The following SLAIN1 variants were observed in gnomAD, a reference collection of about 807,000 sequenced individuals.
The protein encoded by SLAIN1 is SLAIN motif-containing protein 1.
Under a neutral mutation model 55.4 loss-of-function variants are expected in SLAIN1, and 17 were observed. The observed-to-expected ratio is 0.31, with a 90% CI of 0.21 to 0.46. SLAIN1 has a LOEUF of 0.46. Among genes scored for constraint, SLAIN1 ranks in the 20% least tolerant of loss-of-function variants. The probability of loss-of-function intolerance (pLI) is 1.00; values close to 1 mark genes in which losing one functional copy is unlikely to be tolerated. For synonymous variants in SLAIN1, 348 were observed against 337.4 expected, an observed-to-expected ratio of 1.03 and a Z score of -0.35; for missense variants, 682 against 785.1, an observed-to-expected ratio of 0.87 and a Z score of 1.57.
intron 1 of SLAIN1, among the ~76,000 whole-genome samples, chr13:77,711,252 GA>G (rs1223520922): frequency 2.0e-5 from 3 of 151,624 alleles, no homozygotes; most frequent in Non-Finnish European, 4.4e-5. Context: ...ATAGAGACAT[GA>G]AAAACCCTTT....
rs2090990398 is a variant in SLAIN1 at position 77,697,965 on chromosome 13, G to C, written c.52G>C (p.Gly18Arg). 6 of 1,449,428 alleles carry C rather than the reference G, an allele frequency of 4.1e-6. No homozygotes were observed. The highest frequency in any genetic ancestry group is 5.5e-6 in the Non-Finnish European group (6 of 1,092,568). The allele number at this position is 1,449,428 out of a possible 1,614,324, so 89.8% of individuals were successfully genotyped here. A position where few individuals can be genotyped will look rare whatever the true frequency, so the allele number is the denominator to read the frequency against. The change falls in exon 1 of 7, where the codon GGC becomes CGC. Residue 18 changes from glycine to arginine, a missense_variant. Gly to Arg is a moderately radical substitution (Grantham distance 125). Transcript: ENST00000418532. ...CASAGVSSGA[G>R]SGPVVNAELE... ...CTCGGCAGGGGTCAGCTCTGGAGCG[G>C]GCTCCGGGCCGGTGGTGAACGCGGA...
intron 1 of SLAIN1, among the ~76,000 whole-genome samples, chr13:77,706,944 T>C (rs758894609): frequency 2.0e-5 from 3 of 152,194 alleles, no homozygotes. Context: ...TTCTTTTGCT[T>C]CCTTTATTCC....
At position 77,698,570 on chromosome 13, in the gene SLAIN1, C is replaced by A; in HGVS notation, c.626+31C>A. The A allele has an allele frequency of 7.2e-7, 1 of 1,383,812 alleles. No homozygotes were observed. The highest frequency in any genetic ancestry group is 1.7e-5 in the South Asian group (1 of 60,378). 85.7% of individuals were successfully genotyped at this position (1,383,812 alleles called of 1,614,324 possible). On this transcript the variant is annotated intron_variant, in intron 1 of 6. Transcript: ENST00000418532. The surrounding 1 kb of genome is among the most constrained non-coding windows in gnomAD (Gnocchi z 4.1). Reference sequence around the variant, plus strand: ...GCCTGGCTCCGCTCCTTCCCCGAGACCCTGGCCTCGGGGGCTTCGGGCACC... The same window carrying A: ...GCCTGGCTCCGCTCCTTCCCCGAGAACCTGGCCTCGGGGGCTTCGGGCACC...
At position 77,698,162 on chromosome 13, in the gene SLAIN1, C is replaced by G. The variant is rs1327285087; in HGVS notation, c.249C>G (p.Pro83=). ...AGLQPLGPRS[P]PAATATAAAS... is the part of the protein sequence containing the mutation. ...TGCAGCCTTTGGGTCCTCGGAGCCC[C>G]CCGGCCGCCACGGCCACCGCCGCGG... Residue 83 remains proline, a synonymous_variant, in exon 1 of 7, where the codon CCC becomes CCG. Transcript: ENST00000418532. This position sits in a 1 kb window ranked among gnomAD's most constrained non-coding sequence, Gnocchi z 4.1. The G allele has an allele frequency of 1.4e-4, 158 of 1,165,498 alleles. No individual in the cohort carries two copies. Among genetic ancestry groups the G allele is most frequent in the Non-Finnish European group, 1.6e-4 (155 of 945,696 alleles). 72.2% of individuals were successfully genotyped at this position (1,165,498 alleles called of 1,614,324 possible).
intron 2 of SLAIN1, among the ~76,000 whole-genome samples, chr13:77,727,510 A>C (rs911250479): frequency 6.6e-6 from 1 of 151,882 alleles, no homozygotes; most frequent in Non-Finnish European, 1.5e-5. Context: ...AAGCCAAAAA[A>C]AAAAAACAAA....
intron 4 of SLAIN1, 48 bp from the exon 5 acceptor site, chr13:77,753,155 T>C: frequency 6.6e-7 from 1 of 1,510,080 alleles, no homozygotes; most frequent in Non-Finnish European, 8.9e-7. Context: ...GCTAGTACTT[T>C]GGTTGCATAA....
chr13:77,700,852 A>G (rs542890011), intron 1 of SLAIN1, among the ~76,000 whole-genome samples: 1 of 152,260 alleles, frequency 6.6e-6, no homozygotes, highest in African/African-American at 2.4e-5. Context: ...TGCTCATTGT[A>G]AAAAAACTAA....
intron 4 of SLAIN1, among the ~76,000 whole-genome samples, chr13:77,750,193 A>G (rs2154410659): frequency 6.6e-6 from 1 of 152,308 alleles, no homozygotes; most frequent in South Asian, 2.1e-4. Context: ...GTGGAGATGA[A>G]TTAAATATGG....
Position 77,698,761 on chromosome 13 carries a change from C to T in SLAIN1, c.626+222C>T. Reference sequence around the variant, plus strand: ...ACCTGTTTTCTAATCGCTCCGACTGCGGATGAACCGGCCCCCCCTTCCCCC... The same window carrying T: ...ACCTGTTTTCTAATCGCTCCGACTGTGGATGAACCGGCCCCCCCTTCCCCC... On this transcript the variant is annotated intron_variant, in intron 1 of 6. Transcript: ENST00000418532. The surrounding 1 kb of genome is among the most constrained non-coding windows in gnomAD (Gnocchi z 4.1). 8.8e-7 allele frequency: 1 copy of T among 1,136,956 alleles called. No homozygotes were observed. The highest frequency in any genetic ancestry group is 1.2e-6 in the Non-Finnish European group (1 of 838,978). The allele number at this position is 1,136,956 out of a possible 1,614,324, so 70.4% of individuals were successfully genotyped here.
intron 2 of SLAIN1, among the ~76,000 whole-genome samples, chr13:77,740,573 T>C (rs1012542603): frequency 4.9e-5 from 7 of 143,734 alleles, no homozygotes; most frequent in African/African-American, 1.5e-4. Flanking sequence ...AGTAGGAGTA[T>C]AGGGAAATTT....
Position 77,751,878 on chromosome 13 carries a change from C to CT in SLAIN1, c.1259-1316dup, listed in dbSNP as rs199636590. ...TTATGGCTTAGTACTCGTATATATG[C>CT]TTTTTTTTTCAGTTTAAATGACCTG... On this transcript the variant is annotated intron_variant, in intron 4 of 6. Transcript: ENST00000418532. Among the ~76,000 whole-genome samples the CT allele has an allele frequency of 1.8e-3, 276 of 150,636 alleles. 1 individual carries two copies. The highest frequency in any genetic ancestry group is 5.3e-3 in the African/African-American group (216 of 40,980).
At chr13:77,701,030 C>A (rs2091025650) in intron 1 of SLAIN1, among the ~76,000 whole-genome samples, 1 of 152,048 alleles carries the variant, frequency 6.6e-6, no homozygotes, top group African/African-American at 2.4e-5. Context: ...TTAACACTTG[C>A]CTTTCATTGA....
At chr13:77,702,473 T>A (rs534710282) in intron 1 of SLAIN1, among the ~76,000 whole-genome samples, 1 of 152,272 alleles carries the variant, frequency 6.6e-6, no homozygotes, top group South Asian at 2.1e-4. Flanking sequence ...TGTCCTAATG[T>A]CACCAGGCTC....
At chr13:77,721,593 CT>C (rs1023770131) in intron 2 of SLAIN1, among the ~76,000 whole-genome samples, 10 of 151,624 alleles carry the variant, frequency 6.6e-5, no homozygotes, top group Admixed American at 3.9e-4. Flanking sequence ...GGTCAACAAA[CT>C]TTTTTTTGAA....
chr13:77,724,308 C>CCAGGGAG (rs1234970564), intron 2 of SLAIN1, among the ~76,000 whole-genome samples: 1 of 152,134 alleles, frequency 6.6e-6, no homozygotes, highest in Non-Finnish European at 1.5e-5. Context: ...TCCCTACCCT[C>CCAGGGAG]TGTGGTACTT....
intron 5 of SLAIN1, among the ~76,000 whole-genome samples, chr13:77,758,652 A>G (rs1874780480): frequency 2.0e-5 from 3 of 152,276 alleles, no homozygotes; most frequent in African/African-American, 7.2e-5. Context: ...GTGGCTTGCC[A>G]GTTTTCCCAG....
intron 1 of SLAIN1, among the ~76,000 whole-genome samples, chr13:77,705,058 T>C (rs2091074732): frequency 6.6e-6 from 1 of 151,490 alleles, no homozygotes; most frequent in South Asian, 2.1e-4. Context: ...AGGTTTTATA[T>C]GTATATATAC....
intron 2 of SLAIN1, chr13:77,741,646 A>AT (rs11330491): frequency 0.034 from 4,866 of 141,510 alleles, 98 homozygotes; most frequent in East Asian, 0.085. Flanking sequence ...AGTAAAAGGA[A>AT]TTTTTTTTTT....
intron 3 of SLAIN1, among the ~76,000 whole-genome samples, chr13:77,744,695 A>G (rs1439581843): frequency 6.6e-6 from 1 of 152,100 alleles, no homozygotes; most frequent in Admixed American, 6.6e-5. Context: ...CTAAAAAACT[A>G]AAGGTGCAAC....
Sources: gnomAD v4.1 joint callset for allele counts (sites outside exome capture counted in the v4.1 genomes callset) on GRCh38, gnomAD v4.1.1 for gene constraint, Gnocchi (gnomAD v3.1) non-coding constraint, MANE v1.5 for transcripts, NCBI Gene and HGNC (gene_info 2026-07-23, HGNC 2026-07-21) for gene names.